The following E2F3 variants were observed in gnomAD, a reference collection of about 807,000 sequenced individuals.
E2F3 encodes transcription factor E2F3.
A neutral mutation model predicts 44.4 loss-of-function variants in E2F3; 11 were observed. That is an observed-to-expected ratio of 0.25 (90% CI 0.16 to 0.41). The LOEUF (loss-of-function observed/expected upper bound fraction) is 0.41. E2F3 is among the 10% of genes least tolerant of loss of function. The pLI is 1.00. For synonymous variants in E2F3, 249 were observed against 253.0 expected, an observed-to-expected ratio of 0.98 and a Z score of 0.15; for missense variants, 487 against 583.6, an observed-to-expected ratio of 0.83 and a Z score of 1.70.
At chr6:20,474,817 G>A (rs951775126) in intron 1 of E2F3, among the ~76,000 whole-genome samples, 4 of 152,200 alleles carry the variant, frequency 2.6e-5, no homozygotes, top group Non-Finnish European at 5.9e-5. Flanking sequence ...CCCATGTTCA[G>A]ATCTGAGACC....
At chr6:20,403,836 A>G in intron 1 of E2F3, 1 of 1,488,022 alleles carries the variant, frequency 6.7e-7, no homozygotes, top group Non-Finnish European at 8.9e-7. Flanking sequence ...GCAGCAGGTT[A>G]GTGACCGGGA....
At chr6:20,439,352 T>C (rs1468704059) in intron 1 of E2F3, among the ~76,000 whole-genome samples, 1 of 152,262 alleles carries the variant, frequency 6.6e-6, no homozygotes, top group Non-Finnish European at 1.5e-5. Flanking sequence ...CATGGGCTGC[T>C]GAAGCGAGCT....
rs560743891 is a variant in E2F3 at position 20,492,844 on chromosome 6, C to T, written c.*2414C>T. ...ATTTTCTTTTTGACTTAGTATCCGG[C>T]ACACAAAGTGGGTTAGTACTACAGT... is the stretch of plus-strand genomic sequence containing the variant. On this transcript the variant is annotated 3_prime_UTR_variant, in exon 7 of 7. Transcript: ENST00000346618. The T allele has an allele frequency of 1.8e-4, 40 of 223,222 alleles. No individual in the cohort carries two copies. The highest frequency in any genetic ancestry group is 3.1e-4 in the Non-Finnish European group (35 of 111,676). 13.8% of individuals were successfully genotyped at this position (223,222 alleles called of 1,614,324 possible).
rs1759319602 is a variant in E2F3 at position 20,402,029 on chromosome 6, C to G, written c.-204C>G. 1 of 869,378 alleles carries G rather than the reference C, an allele frequency of 1.2e-6. No homozygotes were observed. The highest frequency in any genetic ancestry group is 1.6e-6 in the Non-Finnish European group (1 of 629,510). The allele number at this position is 869,378 out of a possible 1,614,324, so 53.9% of individuals were successfully genotyped here. On this transcript the variant is annotated 5_prime_UTR_variant, in exon 1 of 7. Transcript: ENST00000346618. The surrounding 1 kb of genome is among the most constrained non-coding windows in gnomAD (Gnocchi z 5.6). ...CCGATATCCGTGCGGCCGGGACCCT[C>G]CTCTCTCCAGAGCCCCGATTATTTT...
rs765490400 is a variant in E2F3, at chr6:20,479,951, C to T, written c.499C>T (p.Pro167Ser). The T allele has an allele frequency of 6.2e-7, 1 of 1,606,866 alleles. No homozygotes were observed. The highest frequency in any genetic ancestry group is 8.5e-7 in the Non-Finnish European group (1 of 1,176,292). The part of the protein sequence containing the change: ...GRAALRSPDS[P>S]KTPKSPSEKT... ...AGCTGCACTACGAAGTCCAGATAGT[C>T]CAAAAAGTAAGGATCTTTTCATCTC... Residue 167 changes from proline (P) to serine (S), a missense_variant, in exon 2 of 7, where the codon CCA becomes TCA. Transcript: ENST00000346618.
intron 1 of E2F3, among the ~76,000 whole-genome samples, chr6:20,449,009 C>T (rs1230701203): frequency 6.6e-6 from 1 of 152,210 alleles, no homozygotes; most frequent in Non-Finnish European, 1.5e-5. Context: ...GCAAAGTGGA[C>T]TTTGCCATCC....
intron 1 of E2F3, among the ~76,000 whole-genome samples, chr6:20,412,996 G>T (rs1024364272): frequency 1.1e-4 from 16 of 152,036 alleles, no homozygotes; most frequent in African/African-American, 3.4e-4. Context: ...CTATGAAGTG[G>T]GTATTATTAT....
At chr6:20,449,099 T>C (rs1761042961) in intron 1 of E2F3, among the ~76,000 whole-genome samples, 1 of 152,222 alleles carries the variant, frequency 6.6e-6, no homozygotes, top group Non-Finnish European at 1.5e-5. Flanking sequence ...TTTCCTTTTT[T>C]GGCTTAGGGT....
At chr6:20,435,620 G>A (rs971671514) in intron 1 of E2F3, among the ~76,000 whole-genome samples, 70 of 152,164 alleles carry the variant, frequency 4.6e-4, no homozygotes, top group Admixed American at 4.1e-3. Context: ...GTGTGGTGGC[G>A]CACGCCTGTA....
rs1561888773 is a variant in E2F3, at chr6:20,488,191, C to T, written c.1078C>T (p.Pro360Ser). 2 of 1,611,884 alleles carry T rather than the reference C, an allele frequency of 1.2e-6. No homozygotes were observed. Among genetic ancestry groups the T allele is most frequent in the Non-Finnish European group, 8.5e-7 (1 of 1,179,510 alleles). ...LCPEETETHS[P>S]MKTNNQDHNG... ...TCCAGAAGAGACTGAAACACACAGT[C>T]CAATGAAAACAAACAACCAAGACCA... The change falls in exon 6 of 7, where the codon CCA (proline) becomes TCA (serine). Residue 360 changes from proline (P) to serine (S), a missense_variant. Physicochemically the swap from Pro to Ser is moderately conservative, Grantham distance 74. Coordinates refer to ENST00000346618, the MANE Select transcript of E2F3 (RefSeq NM_001949.5).
chr6:20,448,215 A>G (rs148424724), intron 1 of E2F3, among the ~76,000 whole-genome samples: 26 of 152,308 alleles, frequency 1.7e-4, no homozygotes, highest in Non-Finnish European at 3.5e-4. Context: ...AGCGCTCTCA[A>G]TGCAAAGCTT....
At chr6:20,486,293 G>A (rs143882282) in intron 4 of E2F3, among the ~76,000 whole-genome samples, 168 of 152,248 alleles carry the variant, frequency 1.1e-3, no homozygotes, top group African/African-American at 3.8e-3. Context: ...ACTTTTTTGA[G>A]AAGGAGTCTC....
At chr6:20,444,514 G>A (rs543815510) in intron 1 of E2F3, among the ~76,000 whole-genome samples, 71 of 152,038 alleles carry the variant, frequency 4.7e-4, no homozygotes, top group African/African-American at 1.5e-3. Context: ...ATGATCCCTC[G>A]TGGGCCCTCA....
At chr6:20,410,077 G>C (rs1234979244) in intron 1 of E2F3, among the ~76,000 whole-genome samples, 1 of 152,210 alleles carries the variant, frequency 6.6e-6, no homozygotes, top group Non-Finnish European at 1.5e-5. Context: ...AAGGGTGGTA[G>C]CTCTGGACTC....
intron 1 of E2F3, among the ~76,000 whole-genome samples, chr6:20,460,684 C>T (rs983792035): frequency 1.3e-5 from 2 of 152,034 alleles, no homozygotes; most frequent in Non-Finnish European, 2.9e-5. Flanking sequence ...CAGAAGTACA[C>T]TTGTAGAGTC....
At chr6:20,437,824 A>G (rs1357353311) in intron 1 of E2F3, 1 of 152,226 alleles carries the variant, frequency 6.6e-6, no homozygotes, top group African/African-American at 2.4e-5. Flanking sequence ...TAGGAAGCAG[A>G]GTCCAAGAGA....
chr6:20,440,445 AAG>A (rs1325392820), intron 1 of E2F3, among the ~76,000 whole-genome samples: 1 of 152,216 alleles, frequency 6.6e-6, no homozygotes, highest in Non-Finnish European at 1.5e-5. Flanking sequence ...GGTCCAAAGA[AAG>A]AGAGAGGAAA....
At position 20,402,376 on chromosome 6, in the gene E2F3, C is replaced by T. The variant is rs553000631; in HGVS notation, c.144C>T (p.Ala48=). 1.2e-6 allele frequency: 2 copies of T among 1,609,456 alleles called. No individual in the cohort carries two copies. The highest frequency in any genetic ancestry group is 2.2e-5 in the South Asian group (2 of 90,986). The change falls in exon 1 of 7, where the codon GCC becomes GCT. Residue 48 remains alanine (A), a synonymous_variant. Coordinates refer to ENST00000346618, the MANE Select transcript of E2F3 (RefSeq NM_001949.5). This position sits in a 1 kb window ranked among gnomAD's most constrained non-coding sequence, Gnocchi z 5.6. Reference sequence around the variant, plus strand: ...CCAGCCCCGGCTTCGCCGCCGCCGCCGCCGCTGCCGCCGCCCCGGGCGCGT... The same window carrying T: ...CCAGCCCCGGCTTCGCCGCCGCCGCTGCCGCTGCCGCCGCCCCGGGCGCGT... The part of the protein sequence containing the change: ...LLASPGFAAA[A]AAAAAPGAYI...
At chr6:20,425,690 G>A (rs762031230) in intron 1 of E2F3, among the ~76,000 whole-genome samples, 4 of 152,150 alleles carry the variant, frequency 2.6e-5, no homozygotes, top group Admixed American at 1.3e-4. Context: ...GAGCCACTGC[G>A]CCCGGCCCCT....
Sources: allele counts gnomAD v4.1 joint callset (sites outside exome capture counted in the v4.1 genomes callset), GRCh38; gene constraint gnomAD v4.1.1; non-coding constraint Gnocchi (gnomAD v3.1); transcripts MANE v1.5; gene names NCBI Gene and HGNC (gene_info 2026-07-23, HGNC 2026-07-21).